The following NEFH variants were observed in gnomAD, a reference collection of about 807,000 sequenced individuals.
NEFH encodes the protein neurofilament heavy chain, also known as neurofilament heavy polypeptide.
NEFH carries 58 observed loss-of-function variants against 56.6 expected under a neutral mutation model. That is an observed-to-expected ratio of 1.03 (90% CI 0.83 to 1.28). The LOEUF is 1.28. Ranked by LOEUF, NEFH falls within the 50% of genes most tolerant of loss-of-function variation. NEFH has a pLI of 0.00. For missense variants in NEFH, 1,221 were observed against 1,307.6 expected (o/e 0.93, Z 1.02); for synonymous variants, 542 against 545.8 (o/e 0.99, Z 0.10).
Position 29,480,990 on chromosome 22 carries a change from G to T in NEFH, c.728G>T (p.Gly243Val). 2 of 1,532,082 alleles carry T rather than the reference G, an allele frequency of 1.3e-6. No homozygotes were observed. Among genetic ancestry groups the T allele is most frequent in the African/African-American group, 2.8e-5 (2 of 72,682 alleles). 94.9% of individuals were successfully genotyped at this position (1,532,082 alleles called of 1,614,324 possible). Residue 243 changes from glycine (G) to valine (V), a missense_variant, in exon 1 of 4, where the codon GGC becomes GTC. Gly to Val is a moderately radical substitution (Grantham distance 109). Transcript: ENST00000310624. ...CAGGAAGAGGTGGGCGAGCTGCTCG[G>T]CCAGATCCAGGGCTCCGGCGCCGCG... is the stretch of plus-strand genomic sequence containing the variant. ...HHQEEVGELL[G>V]QIQGSGAAQA...
chr22:29,482,279 C>T (rs1170334589), intron 1 of NEFH, among the ~76,000 whole-genome samples: 1 of 152,208 alleles, frequency 6.6e-6, no homozygotes, highest in Non-Finnish European at 1.5e-5. Context: ...GTCGTAGGGG[C>T]AGACGTCCCA....
rs1347091712 is a variant in NEFH at position 29,481,013 on chromosome 22, G to A, written c.751G>A (p.Ala251Thr). Residue 251 changes from alanine (A) to threonine (T), a missense_variant, in exon 1 of 4, where the codon GCG (alanine) becomes ACG (threonine). Coordinates refer to ENST00000310624, the MANE Select transcript of NEFH (RefSeq NM_021076.4). ...CGGCCAGATCCAGGGCTCCGGCGCCGCGCAGGCGCAGATGCAGGCCGAGAC... is the reference window on the plus strand; with the variant it reads ...CGGCCAGATCCAGGGCTCCGGCGCCACGCAGGCGCAGATGCAGGCCGAGAC... ...LLGQIQGSGA[A>T]QAQMQAETRD... 6.5e-7 allele frequency: 1 copy of A among 1,531,642 alleles called. No homozygotes were observed. Among genetic ancestry groups the A allele is most frequent in the Non-Finnish European group, 8.7e-7 (1 of 1,145,434 alleles). 94.9% of individuals were successfully genotyped at this position (1,531,642 alleles called of 1,614,324 possible).
At position 29,490,998 on chromosome 22, in the gene NEFH, C is replaced by T. The variant is rs2063078540; in HGVS notation, c.*295C>T. 6.0e-6 allele frequency: 3 copies of T among 496,990 alleles called. No homozygotes were observed. The highest frequency in any genetic ancestry group is 3.9e-5 in the African/African-American group (2 of 51,446). The allele number at this position is 496,990 out of a possible 1,614,324, so 30.8% of individuals were successfully genotyped here. ...CGTAAACACTTGACTATAAAAACTGCCCCCCTCCTTTCCAAATAAGTGCAT... is the reference window on the plus strand; with the variant it reads ...CGTAAACACTTGACTATAAAAACTGTCCCCCTCCTTTCCAAATAAGTGCAT... On this transcript the variant is annotated 3_prime_UTR_variant, in exon 4 of 4. Coordinates refer to ENST00000310624, the MANE Select transcript of NEFH (RefSeq NM_021076.4).
At chr22:29,486,669 C>G (rs1289570593) in intron 3 of NEFH, among the ~76,000 whole-genome samples, 1 of 151,946 alleles carries the variant, frequency 6.6e-6, no homozygotes, top group Non-Finnish European at 1.5e-5. Context: ...ATTACAGGCA[C>G]ATGCCACCAC....
chr22:29,483,287 A>G (rs1244875557), intron 1 of NEFH, 88 bp from the exon 2 acceptor site: 1 of 1,308,342 alleles, frequency 7.6e-7, no homozygotes, highest in African/African-American at 1.5e-5. Flanking sequence ...AAAAAAAAAA[A>G]AAAAGAAAAA....
intron 1 of NEFH, among the ~76,000 whole-genome samples, chr22:29,481,590 A>G (rs943337467): frequency 6.6e-6 from 1 of 151,628 alleles, no homozygotes; most frequent in African/African-American, 2.4e-5. Context: ...CCCGCAAGAA[A>G]CTCTATTCCT....
chr22:29,488,555 T>G (rs188877938), intron 3 of NEFH, among the ~76,000 whole-genome samples: 114 of 152,296 alleles, frequency 7.5e-4, no homozygotes, highest in African/African-American at 2.7e-3. Context: ...AGTTTCAGGC[T>G]TAGCTGTGTT....
At chr22:29,487,408 A>G (rs2063050624) in intron 3 of NEFH, among the ~76,000 whole-genome samples, 1 of 151,396 alleles carries the variant, frequency 6.6e-6, no homozygotes, top group Non-Finnish European at 1.5e-5. Flanking sequence ...AGGCAGACAG[A>G]TTGTTTCAGT....
chr22:29,487,586 C>T (rs929484091), intron 3 of NEFH, among the ~76,000 whole-genome samples: 15 of 152,116 alleles, frequency 9.9e-5, no homozygotes, highest in Non-Finnish European at 2.1e-4. Context: ...GAGCTATGAT[C>T]GTGCCACTGC....
chr22:29,485,651 C>T (rs1356683472), intron 2 of NEFH, 72 bp from the exon 3 acceptor site: 73 of 1,562,256 alleles, frequency 4.7e-5, no homozygotes, highest in Non-Finnish European at 5.8e-5. Flanking sequence ...GTCGCACAGC[C>T]CGCCGCAGCT....
chr22:29,483,291 A>AAT, intron 1 of NEFH, 84 bp from the exon 2 acceptor site: 4 of 1,281,224 alleles, frequency 3.1e-6, no homozygotes, highest in Non-Finnish European at 4.4e-6. Context: ...AAAAAAAAAA[A>AAT]GAAAAAGAAC....
At position 29,480,957 on chromosome 22, in the gene NEFH, G is replaced by T; in HGVS notation, c.695G>T (p.Arg232Leu). Residue 232 changes from arginine to leucine, a missense_variant, in exon 1 of 4, where the codon CGC becomes CTC. Arg to Leu is a moderately radical substitution (Grantham distance 102). Transcript: ENST00000310624. Reference sequence around the variant, plus strand: ...CAGGAGGAGTGCGGCTACCTGCGGCGCCACCACCAGGAAGAGGTGGGCGAG... The same window carrying T: ...CAGGAGGAGTGCGGCTACCTGCGGCTCCACCACCAGGAAGAGGTGGGCGAG... Reference protein sequence around the residue: ...ALQEECGYLRRHHQEEVGELL... With the variant: ...ALQEECGYLRLHHQEEVGELL... 1 of 1,530,202 alleles carries T rather than the reference G, an allele frequency of 6.5e-7. No individual in the cohort carries two copies. Among genetic ancestry groups the T allele is most frequent in the Non-Finnish European group, 8.7e-7 (1 of 1,145,078 alleles). 94.8% of individuals were successfully genotyped at this position (1,530,202 alleles called of 1,614,324 possible). A position where few individuals can be genotyped will look rare whatever the true frequency, so the allele number is the denominator to read the frequency against.
In NEFH at chr22:29,489,008, T is replaced by C; in HGVS notation, c.1368T>C (p.Ile456=). 6.2e-7 allele frequency: 1 copy of C among 1,613,974 alleles called. No individual in the cohort carries two copies. Among genetic ancestry groups the C allele is most frequent in the East Asian group, 2.2e-5 (1 of 44,876 alleles). The part of the protein sequence containing the change: ...VVEKSEKETV[I]VEEQTEETQV... The stretch of plus-strand genomic sequence containing the variant: ...AGAAGTCTGAGAAAGAAACTGTGAT[T>C]GTGGAGGAACAGACAGAGGAGACCC... Residue 456 remains isoleucine (I), a synonymous_variant, in exon 4 of 4, where the codon ATT becomes ATC. Coordinates refer to ENST00000310624, the MANE Select transcript of NEFH (RefSeq NM_021076.4).
At position 29,489,434 on chromosome 22, in the gene NEFH, C is replaced by T. The variant is rs760141334; in HGVS notation, c.1794C>T (p.Ala598=). ...AAGAGGCAAAGTCACCGGCTGAGGCCAAGTCTCCAGAGAAGGCCAAGTCCC... is the reference window on the plus strand; with the variant it reads ...AAGAGGCAAAGTCACCGGCTGAGGCTAAGTCTCCAGAGAAGGCCAAGTCCC... ...AKEEAKSPAE[A]KSPEKAKSPV... is the part of the protein sequence containing the mutation. The change falls in exon 4 of 4, where the codon GCC becomes GCT. Residue 598 remains alanine, a synonymous_variant. Coordinates refer to ENST00000310624, the MANE Select transcript of NEFH (RefSeq NM_021076.4). 4 of 1,612,168 alleles carry T rather than the reference C, an allele frequency of 2.5e-6. No homozygotes were observed. The African/African-American group carries it at 5.4e-5, about 22-fold the overall frequency.
At chr22:29,482,637 A>T (rs1255770093) in intron 1 of NEFH, among the ~76,000 whole-genome samples, 3 of 152,188 alleles carry the variant, frequency 2.0e-5, no homozygotes, top group Admixed American at 6.5e-5. Context: ...ATGCCTCCTA[A>T]AGGTCACAAG....
rs529064711 is a variant in NEFH at position 29,490,837 on chromosome 22, T to C, written c.*134T>C. The C allele has an allele frequency of 1.0e-4, 151 of 1,510,118 alleles. No homozygotes were observed. The highest frequency in any genetic ancestry group is 6.7e-4 in the Middle Eastern group (4 of 5,926). The allele number at this position is 1,510,118 out of a possible 1,614,324, so 93.5% of individuals were successfully genotyped here. Reference sequence around the variant, plus strand: ...AACTGCTTAGATGACGGGGCCTCCTTCTTCAAACAGGAATTTCTGTTAGCA... The same window carrying C: ...AACTGCTTAGATGACGGGGCCTCCTCCTTCAAACAGGAATTTCTGTTAGCA... On this transcript the variant is annotated 3_prime_UTR_variant, in exon 4 of 4. Transcript: ENST00000310624.
In NEFH at chr22:29,489,292, A is replaced by G. The variant is rs1240776585; in HGVS notation, c.1652A>G (p.Lys551Arg). The change falls in exon 4 of 4, where the codon AAG (lysine) becomes AGG (arginine). Residue 551 changes from lysine (K) to arginine (R), a missense_variant. Around this residue, in one of 4 missense-constraint regions of NEFH, gnomAD observed 243 missense variants for 299.1 expected, o/e 0.81. Transcript: ENST00000310624. ...PAEVKSPEKAKSPAKEEAKSP... is the reference protein window; with the variant it reads ...PAEVKSPEKARSPAKEEAKSP... ...GAAGTCAAGTCCCCTGAGAAGGCCAAGTCTCCAGCAAAGGAAGAGGCAAAG... is the reference window on the plus strand; with the variant it reads ...GAAGTCAAGTCCCCTGAGAAGGCCAGGTCTCCAGCAAAGGAAGAGGCAAAG... The G allele has an allele frequency of 6.2e-7, 1 of 1,612,706 alleles. No homozygotes were observed. Among genetic ancestry groups the G allele is most frequent in the South Asian group, 1.1e-5 (1 of 89,848 alleles).
chr22:29,489,643 C>A lies in NEFH; in HGVS notation c.2003C>A (p.Ser668Tyr). The change falls in exon 4 of 4, where the codon TCC becomes TAC. Residue 668 changes from serine (S) to tyrosine (Y), a missense_variant. Physicochemically the swap from Ser to Tyr is moderately radical, Grantham distance 144. Coordinates refer to ENST00000310624, the MANE Select transcript of NEFH (RefSeq NM_021076.4). ...EEAKSPEKAK[S>Y]PVKAEAKSPE... ...GCCAAGTCCCCTGAGAAGGCCAAGT[C>A]CCCAGTGAAGGCAGAAGCAAAGTCC... 6.2e-7 allele frequency: 1 copy of A among 1,612,442 alleles called. No individual in the cohort carries two copies. Among genetic ancestry groups the A allele is most frequent in the East Asian group, 2.2e-5 (1 of 44,764 alleles).
Position 29,490,385 on chromosome 22 carries a change from G to A in NEFH, c.2745G>A (p.Glu915=), listed in dbSNP as rs2063073957. Residue 915 remains glutamate, a synonymous_variant, in exon 4 of 4, where the codon GAG becomes GAA. Transcript: ENST00000310624. ...AGAAGGAGGCTCCTGCCAAGGTGGAGGTGAAGGAAGACGCTAAACCCAAAG... is the reference window on the plus strand; with the variant it reads ...AGAAGGAGGCTCCTGCCAAGGTGGAAGTGAAGGAAGACGCTAAACCCAAAG... ...TPEKEAPAKV[E]VKEDAKPKEK... The A allele has an allele frequency of 6.2e-7, 1 of 1,613,284 alleles. No individual in the cohort carries two copies. The highest frequency in any genetic ancestry group is 1.1e-5 in the South Asian group (1 of 91,004).
Sources: gnomAD v4.1 joint callset for allele counts (sites outside exome capture counted in the v4.1 genomes callset) on GRCh38, gnomAD v4.1.1 for gene constraint, gnomAD v4.1.1 regional missense constraint, MANE v1.5 for transcripts, NCBI Gene and HGNC (gene_info 2026-07-23, HGNC 2026-07-21) for gene names.